ATP8B1: variants seen among roughly 807,000 people sequenced by gnomAD.
ATP8B1 encodes phospholipid-transporting ATPase IC.
In ATP8B1, 80 loss-of-function variants were observed where a neutral mutation model predicts 149.9. The observed-to-expected ratio is 0.53, with a 90% CI of 0.45 to 0.64. The LOEUF is 0.64. Ranked by LOEUF, ATP8B1 falls within the 30% of genes least tolerant of loss-of-function variation. The pLI is 0.00. For synonymous variants in ATP8B1, 536 were observed against 562.8 expected (o/e 0.95, Z 0.67); for missense variants, 1,247 against 1,552.6 (o/e 0.80, Z 3.31).
rs886054014 is a variant in ATP8B1 at position 57,701,099 on chromosome 18, G to C, written c.494C>G (p.Ala165Gly). 1 of 1,614,100 alleles carries C rather than the reference G, an allele frequency of 6.2e-7. No homozygotes were observed. The change falls in exon 6 of 28, where the codon GCT (alanine) becomes GGT (glycine). Residue 165 changes from alanine to glycine, a missense_variant and splice_region_variant. This residue lies in a region of ATP8B1 where 853 missense variants were observed against 1,035.7 expected (regional missense o/e 0.82). Transcript: ENST00000648908. ...TAIKDLVDDV[A>G]RHKMDKEINN... is the part of the protein sequence containing the mutation. The stretch of plus-strand genomic sequence containing the variant: ...GATTTCCTTATCCATTTTATGGCGA[G>C]CCTTGAGAAGGAAGATGGGGAAATG...
intron 1 of ATP8B1, among the ~76,000 whole-genome samples, chr18:57,778,225 TTTC>T (rs1190397701): frequency 3.1e-5 from 3 of 95,442 alleles, no homozygotes; most frequent in Admixed American, 1.3e-4. Flanking sequence ...TCTTTTTCTT[TTTC>T]TTTTTTTTTT....
intron 13 of ATP8B1, among the ~76,000 whole-genome samples, chr18:57,687,773 A>ATTTTT (rs11342488): frequency 2.1e-5 from 2 of 95,244 alleles, no homozygotes; most frequent in African/African-American, 3.9e-5. Context: ...GAGACTTCTA[A>ATTTTT]TTTTTTTTTT....
At chr18:57,696,093 C>A (rs1912792636) in intron 8 of ATP8B1, among the ~76,000 whole-genome samples, 1 of 152,194 alleles carries the variant, frequency 6.6e-6, no homozygotes, top group African/African-American at 2.4e-5. Context: ...AAGGGTGAGG[C>A]TGCCGTCTCA....
At chr18:57,760,743 C>A (rs1191689888) in intron 1 of ATP8B1, among the ~76,000 whole-genome samples, 1 of 152,172 alleles carries the variant, frequency 6.6e-6, no homozygotes, top group Non-Finnish European at 1.5e-5. Context: ...ATAATCCCAG[C>A]ACCTTGGGAG....
intron 1 of ATP8B1, among the ~76,000 whole-genome samples, chr18:57,743,816 T>C (rs1264912934): frequency 1.3e-5 from 2 of 152,092 alleles, no homozygotes; most frequent in Non-Finnish European, 2.9e-5. Context: ...GAAAGAAATC[T>C]GATCTGCACA....
At chr18:57,694,433 C>A (rs1429656647) in intron 11 of ATP8B1, 149 bp downstream of exon 11, 1 of 579,876 alleles carries the variant, frequency 1.7e-6, no homozygotes, top group South Asian at 2.1e-5. Flanking sequence ...AAAAAAAATC[C>A]CTTCTTCCTG....
At chr18:57,705,909 T>A (rs900919793) in intron 3 of ATP8B1, among the ~76,000 whole-genome samples, 14 of 152,178 alleles carry the variant, frequency 9.2e-5, no homozygotes, top group African/African-American at 3.4e-4. Context: ...TCACCCAAGC[T>A]GGAGTGCAAT....
chr18:57,780,001 C>A (rs1021078877), intron 1 of ATP8B1, among the ~76,000 whole-genome samples: 1 of 151,914 alleles, frequency 6.6e-6, no homozygotes, highest in Non-Finnish European at 1.5e-5. Context: ...TGTTATAAAT[C>A]ACCACGGCAT....
At chr18:57,673,504 TTC>T (rs1911393059) in intron 16 of ATP8B1, among the ~76,000 whole-genome samples, 1 of 151,610 alleles carries the variant, frequency 6.6e-6, no homozygotes, top group Non-Finnish European at 1.5e-5. Context: ...CTGCAATTTA[TTC>T]TCTTTTTTAT....
intron 1 of ATP8B1, among the ~76,000 whole-genome samples, chr18:57,769,991 G>A (rs953772000): frequency 2.6e-5 from 4 of 151,858 alleles, no homozygotes; most frequent in Non-Finnish European, 5.9e-5. Flanking sequence ...ACAAGTGTGC[G>A]GTAGAGTCCA....
intron 2 of ATP8B1, among the ~76,000 whole-genome samples, chr18:57,713,353 A>G (rs1599144822): frequency 6.8e-6 from 1 of 146,958 alleles, no homozygotes; most frequent in Non-Finnish European, 1.5e-5. Flanking sequence ...CTGGAGTGCA[A>G]TGGTGTCATC....
chr18:57,701,258 A>C lies in ATP8B1; in HGVS notation c.449T>G (p.Val150Gly), dbSNP rs1232017307. 6.2e-7 allele frequency: 1 copy of C among 1,614,246 alleles called. No individual in the cohort carries two copies. Among genetic ancestry groups the C allele is most frequent in the Non-Finnish European group, 8.5e-7 (1 of 1,180,052 alleles). ...TTTGATTGCAGTGACGCCCAGCACC[A>C]CAAGCAGGGGCACTAGTGTGGTGTA... ...AWYTTLVPLL[V>G]VLGVTAIKDL... The change falls in exon 5 of 28, where the codon GTG becomes GGG. Residue 150 changes from valine to glycine, a missense_variant. Val to Gly is a moderately radical substitution (Grantham distance 109, BLOSUM62 -3). Transcript: ENST00000648908.
chr18:57,668,598 C>T, intron 18 of ATP8B1, 58 bp from the exon 19 acceptor site: 13 of 1,137,634 alleles, frequency 1.1e-5, no homozygotes, highest in Non-Finnish European at 1.6e-5. Flanking sequence ...CAAAAGTTTT[C>T]TGTAATTACA....
At chr18:57,745,952 C>T (rs146985492) in intron 1 of ATP8B1, among the ~76,000 whole-genome samples, 5 of 152,276 alleles carry the variant, frequency 3.3e-5, no homozygotes, top group East Asian at 1.9e-4. Context: ...TGAGCCACCA[C>T]GCCTGACCTA....
At chr18:57,726,099 A>G (rs189125485) in intron 2 of ATP8B1, among the ~76,000 whole-genome samples, 13 of 152,274 alleles carry the variant, frequency 8.5e-5, no homozygotes, top group Middle Eastern at 3.4e-3. Context: ...ATGGTGGTAC[A>G]TACCTGTAGT....
At chr18:57,756,208 T>TACACAC (rs1440484587) in intron 1 of ATP8B1, among the ~76,000 whole-genome samples, 5 of 84,738 alleles carry the variant, frequency 5.9e-5, no homozygotes, top group Admixed American at 2.3e-4. Context: ...TATATATATA[T>TACACAC]ATACACACAC....
In ATP8B1 at chr18:57,647,095, ATAAAAT is replaced by A. The variant is rs1909223716; in HGVS notation, c.*1387_*1392del. On this transcript the variant is annotated 3_prime_UTR_variant, in exon 28 of 28. Coordinates refer to ENST00000648908, the MANE Select transcript of ATP8B1 (RefSeq NM_001374385.1). Reference sequence around the variant, plus strand: ...AGTGAGGTCTTTGTTCAAGTCCCTGATAAAATACTTTGCATATAGGCAGGCACAAAA... The same window carrying A: ...AGTGAGGTCTTTGTTCAAGTCCCTGAACTTTGCATATAGGCAGGCACAAAA... 6.6e-6 allele frequency: 1 copy of A among 152,254 alleles called. No individual in the cohort carries two copies. Among genetic ancestry groups the A allele is most frequent in the South Asian group, 2.1e-4 (1 of 4,832 alleles). 9.4% of individuals were successfully genotyped at this position (152,254 alleles called of 1,614,324 possible).
At chr18:57,711,746 T>C (rs1357825684) in intron 2 of ATP8B1, among the ~76,000 whole-genome samples, 1 of 152,090 alleles carries the variant, frequency 6.6e-6, no homozygotes, top group Non-Finnish European at 1.5e-5. Flanking sequence ...GTGCACGCCA[T>C]CGTACCTAAT....
intron 1 of ATP8B1, among the ~76,000 whole-genome samples, chr18:57,732,179 G>A (rs150652000): frequency 0.042 from 1,843 of 43,464 alleles, 7 homozygotes; most frequent in Non-Finnish European, 0.044. Flanking sequence ...ATGTATATAT[G>A]TGTATATATG....
Sources: allele counts gnomAD v4.1 joint callset (sites outside exome capture counted in the v4.1 genomes callset), GRCh38; gene constraint gnomAD v4.1.1; regional missense constraint gnomAD v4.1.1; transcripts MANE v1.5; gene names NCBI Gene and HGNC (gene_info 2026-07-23, HGNC 2026-07-21).